USP28: variants seen among roughly 807,000 people sequenced by gnomAD.
USP28 encodes the protein ubiquitin specific peptidase 28, also known as ubiquitin carboxyl-terminal hydrolase 28.
A neutral mutation model predicts 145.0 loss-of-function variants in USP28; 113 were observed. The observed-to-expected ratio is 0.78, with a 90% confidence interval of 0.67 to 0.91. The LOEUF is 0.91. Ranked by LOEUF, USP28 falls within the 40% of genes least tolerant of loss-of-function variation. USP28 has a pLI of 0.00. For missense variants in USP28, 1,201 were observed against 1,289.6 expected (o/e 0.93, Z 1.05); for synonymous variants, 447 against 450.9 (o/e 0.99, Z 0.11).
rs35806711 is a variant in USP28 at position 113,853,301 on chromosome 11, C to CA, written c.136-669dup. Among the ~76,000 whole-genome samples, 237 of 54,958 alleles carry CA rather than the reference C, an allele frequency of 4.3e-3. 20 individuals are homozygous for CA. The highest frequency in any genetic ancestry group is 0.01 in the African/African-American group (135 of 13,154). 36.1% of individuals were successfully genotyped at this position (54,958 alleles called of 152,430 possible). A position where few individuals can be genotyped will look rare whatever the true frequency, so the allele number is the denominator to read the frequency against. The stretch of plus-strand genomic sequence containing the variant: ...CTGAGTGAGATCCTGTCTCCTGTCT[C>CA]AAAAAAAAAAAAAAAAAAAAAAAAA... On this transcript the variant is annotated intron_variant, in intron 2 of 24. Coordinates refer to ENST00000003302, the Ensembl canonical transcript of USP28.
intron 22 of USP28, 87 bp downstream of exon 23, chr11:113,803,711 G>A: frequency 9.2e-7 from 1 of 1,089,034 alleles, no homozygotes; most frequent in Non-Finnish European, 1.4e-6. Context: ...GGTTATGCAT[G>A]GCTGTGACTC....
exon 14 of USP28, chr11:113,815,251 G>T: frequency 6.2e-7 from 1 of 1,614,208 alleles, no homozygotes; most frequent in Non-Finnish European, 8.5e-7. Flanking sequence ...ATCTGTGACT[G>T]TTCGTGGAGC....
At chr11:113,821,923 G>C (rs1235306869) in intron 12 of USP28, 1 of 152,158 alleles carries the variant, frequency 6.6e-6, no homozygotes, top group Non-Finnish European at 1.5e-5. Context: ...GTGGGGTGGG[G>C]GAGTGGGGGA....
At chr11:113,806,884 ATTAAG>A (rs1244667464) in intron 18 of USP28, among the ~76,000 whole-genome samples, 1 of 152,222 alleles carries the variant, frequency 6.6e-6, no homozygotes, top group Non-Finnish European at 1.5e-5. Flanking sequence ...CTGCTGAAGA[ATTAAG>A]TTAAATTATA....
intron 12 of USP28, chr11:113,820,485 T>C (rs1281056387): frequency 6.6e-6 from 1 of 152,162 alleles, no homozygotes; most frequent in Non-Finnish European, 1.5e-5. Context: ...AAATGAGCCA[T>C]ATAGCCACTC....
chr11:113,864,532 G>C (rs536760969), intron 1 of USP28, among the ~76,000 whole-genome samples: 2 of 152,280 alleles, frequency 1.3e-5, no homozygotes, highest in South Asian at 2.1e-4. Context: ...GTAAGTTCCA[G>C]TCTGAGTCTG....
At chr11:113,874,782 T>A (rs1210470865) in intron 1 of USP28, 1 of 1,133,066 alleles carries the variant, frequency 8.8e-7, no homozygotes, top group Non-Finnish European at 1.1e-6. Context: ...AGATCAGAAG[T>A]CCTTATATTG....
chr11:113,861,625 T>G (rs1469089315), intron 1 of USP28, among the ~76,000 whole-genome samples: 3 of 152,184 alleles, frequency 2.0e-5, no homozygotes, highest in Non-Finnish European at 2.9e-5. Flanking sequence ...GGGTATAAAA[T>G]GAAAAGGAAA....
intron 3 of USP28, among the ~76,000 whole-genome samples, chr11:113,844,769 T>C (rs1945632722): frequency 6.6e-6 from 1 of 151,750 alleles, no homozygotes; most frequent in South Asian, 2.1e-4. Context: ...GGCAAGGAAG[T>C]GGAGAAACTG....
At chr11:113,862,642 G>T (rs1487175352) in intron 1 of USP28, among the ~76,000 whole-genome samples, 1 of 152,088 alleles carries the variant, frequency 6.6e-6, no homozygotes, top group African/African-American at 2.4e-5. Context: ...ATCAAAGTAG[G>T]ACATACTCTG....
chr11:113,830,914 A>G (rs772405975), exon 9 of USP28: 2 of 1,614,080 alleles, frequency 1.2e-6, no homozygotes, highest in Non-Finnish European at 8.5e-7. Flanking sequence ...CAGCTGCACC[A>G]TTGGATTTTC....
At chr11:113,802,359 A>G (rs1056796314) in intron 23 of USP28, among the ~76,000 whole-genome samples, 3 of 152,270 alleles carry the variant, frequency 2.0e-5, no homozygotes, top group African/African-American at 7.2e-5. Flanking sequence ...ATCAGAAAAT[A>G]AAGCTATTGA....
chr11:113,815,476 A>C lies in USP28; in HGVS notation c.1464-94T>G, dbSNP rs1400754823. On this transcript the variant is annotated intron_variant, in intron 13 of 24. Coordinates refer to ENST00000003302, the Ensembl canonical transcript of USP28. The stretch of plus-strand genomic sequence containing the variant: ...TGGAAAGCAAGATGCTATATGAAAA[A>C]GTACAGGTATTCAGTGAGCATTAAC... The C allele has an allele frequency of 1.7e-6, 2 of 1,169,564 alleles. 1 individual carries two copies. Among genetic ancestry groups the C allele is most frequent in the Admixed American group, 4.6e-5 (2 of 43,878 alleles). 72.4% of individuals were successfully genotyped at this position (1,169,564 alleles called of 1,614,324 possible).
intron 1 of USP28, chr11:113,874,455 T>TAA: frequency 2.0e-6 from 1 of 492,740 alleles, no homozygotes; most frequent in Non-Finnish European, 3.1e-6. Flanking sequence ...AAAAAGTGTC[T>TAA]CCATGCTAAA....
chr11:113,870,937 T>C (rs1435698561), intron 1 of USP28, among the ~76,000 whole-genome samples: 1 of 142,302 alleles, frequency 7.0e-6, no homozygotes, highest in Non-Finnish European at 1.5e-5. Flanking sequence ...TAGACACTTT[T>C]GTTGTTGTTA....
At chr11:113,864,864 T>C (rs960739839) in intron 1 of USP28, among the ~76,000 whole-genome samples, 11 of 152,136 alleles carry the variant, frequency 7.2e-5, no homozygotes, top group Non-Finnish European at 1.0e-4. Flanking sequence ...GAAGACAGTA[T>C]TGTTTTTTGG....
intron 3 of USP28, among the ~76,000 whole-genome samples, chr11:113,851,582 G>A (rs61907871): frequency 2.0e-3 from 304 of 152,102 alleles, no homozygotes; most frequent in African/African-American, 6.7e-3. Flanking sequence ...GATCACCTGA[G>A]GTCAGGAGTT....
chr11:113,801,595 C>G, exon 24 of USP28: 2 of 1,610,920 alleles, frequency 1.2e-6, no homozygotes, highest in South Asian at 2.2e-5. Context: ...AGGGGATGAT[C>G]AGTTCATTCA....
chr11:113,849,577 T>C (rs140180825), intron 3 of USP28, among the ~76,000 whole-genome samples: 2 of 152,198 alleles, frequency 1.3e-5, no homozygotes, highest in African/African-American at 4.8e-5. Context: ...CATGGCCCTA[T>C]GGAAATTTGA....
Sources: allele counts gnomAD v4.1 joint callset (sites outside exome capture counted in the v4.1 genomes callset), GRCh38; gene constraint gnomAD v4.1.1; transcripts MANE v1.5; gene names NCBI Gene and HGNC (gene_info 2026-07-23, HGNC 2026-07-21).